TET3: variants seen among roughly 807,000 people sequenced by gnomAD.
TET3 encodes methylcytosine dioxygenase TET3.
In TET3, 19 loss-of-function variants were observed where a neutral mutation model predicts 141.4. That is an observed-to-expected ratio of 0.13 (90% CI 0.09 to 0.20). The LOEUF is 0.20. TET3 is among the 10% of genes least tolerant of loss of function. TET3 has a pLI of 1.00. For missense variants in TET3, 1,874 were observed against 2,356.9 expected (o/e 0.80, Z 4.24); for synonymous variants, 1,043 against 980.9 (o/e 1.06, Z -1.18).
chr2:74,124,124 G>C, the TET3 span, among the ~76,000 whole-genome samples: 1 of 151,688 alleles, frequency 6.6e-6, no homozygotes, highest in Non-Finnish European at 1.5e-5. Context: ...TCCAGGAGGT[G>C]GGGGGCAGCC....
the TET3 span, among the ~76,000 whole-genome samples, chr2:74,117,811 T>C: frequency 2.6e-5 from 4 of 152,106 alleles, no homozygotes; most frequent in South Asian, 8.3e-4. Flanking sequence ...AATGACACAA[T>C]CTTGGCTCAC....
At chr2:74,005,493 T>A (rs781258350) in intron 3 of TET3, among the ~76,000 whole-genome samples, 3 of 152,216 alleles carry the variant, frequency 2.0e-5, no homozygotes, top group Non-Finnish European at 2.9e-5. Flanking sequence ...GGCTGCAGTG[T>A]CCCACATACC....
rs1181534867 is a variant in TET3, at chr2:74,101,680, CGGA to C, written c.4899_4901del (p.Glu1637del). 1 of 1,613,446 alleles carries C rather than the reference CGGA, an allele frequency of 6.2e-7. No homozygotes were observed. The highest frequency in any genetic ancestry group is 8.5e-7 in the Non-Finnish European group (1 of 1,179,864). The stretch of plus-strand genomic sequence containing the variant: ...AAGGAGGAGAAGGGCGGTGGTGGTG[CGGA>C]GGAGGAAGAGGAGGAGCTGTGGTCG... On this transcript the variant is annotated inframe_deletion, in exon 12 of 12. Coordinates refer to ENST00000409262, the MANE Select transcript of TET3 (RefSeq NM_001287491.2). The surrounding 1 kb of genome is among the most constrained non-coding windows in gnomAD (Gnocchi z 8.5).
At chr2:73,996,965 G>A (rs1684626034) in intron 2 of TET3, among the ~76,000 whole-genome samples, 2 of 152,364 alleles carry the variant, frequency 1.3e-5, no homozygotes, top group South Asian at 4.1e-4. Flanking sequence ...GGGCACTGTT[G>A]ATGGCTGTTC....
At chr2:73,997,941 C>G (rs1291046658) in intron 2 of TET3, among the ~76,000 whole-genome samples, 2 of 152,102 alleles carry the variant, frequency 1.3e-5, no homozygotes, top group Non-Finnish European at 2.9e-5. Context: ...CCCATAGAGG[C>G]CAGCCAGGAA....
intron 4 of TET3, among the ~76,000 whole-genome samples, chr2:74,051,069 G>T (rs1488349394): frequency 6.6e-6 from 1 of 152,186 alleles, no homozygotes; most frequent in African/African-American, 2.4e-5. Context: ...AAACTGTGGT[G>T]AACACAGATG....
chr2:74,091,427 G>A (rs1690491871), intron 8 of TET3, among the ~76,000 whole-genome samples: 1 of 152,222 alleles, frequency 6.6e-6, no homozygotes, highest in Non-Finnish European at 1.5e-5. Flanking sequence ...TCTAGGCACT[G>A]TTACCCCTCA....
chr2:74,037,529 G>A (rs1045657525), intron 3 of TET3, among the ~76,000 whole-genome samples: 1 of 152,236 alleles, frequency 6.6e-6, no homozygotes, highest in Non-Finnish European at 1.5e-5. Context: ...GAGTTTACTG[G>A]CTTAGCAGGG....
At chr2:74,084,085 A>G (rs910925069) in intron 6 of TET3, among the ~76,000 whole-genome samples, 18 of 152,350 alleles carry the variant, frequency 1.2e-4, no homozygotes, top group African/African-American at 4.3e-4. Flanking sequence ...CAAAATACAC[A>G]TATCAAAAGA....
chr2:74,028,066 C>T (rs1046873230), intron 3 of TET3, among the ~76,000 whole-genome samples: 1 of 151,838 alleles, frequency 6.6e-6, no homozygotes, highest in Non-Finnish European at 1.5e-5. Flanking sequence ...CTCACTGCAC[C>T]TGGAACCCCT....
chr2:74,119,895 A>T, the TET3 span, among the ~76,000 whole-genome samples: 1 of 152,212 alleles, frequency 6.6e-6, no homozygotes, highest in Non-Finnish European at 1.5e-5. Context: ...ATTCTTTTTA[A>T]TTGAATGTTT....
the TET3 span, among the ~76,000 whole-genome samples, chr2:74,120,234 G>A: frequency 6.7e-6 from 1 of 150,336 alleles, no homozygotes; most frequent in Admixed American, 6.6e-5. Flanking sequence ...ACCCCGGAGC[G>A]CTCCATTCTC....
chr2:74,062,855 A>G (rs377594470), intron 4 of TET3, among the ~76,000 whole-genome samples: 1 of 152,022 alleles, frequency 6.6e-6, no homozygotes, highest in East Asian at 1.9e-4. Context: ...TGAAGGATCT[A>G]AATACTTGGT....
rs1408858373 is a variant in TET3 at position 74,102,453 on chromosome 2, C to A, written c.*277C>A. On this transcript the variant is annotated 3_prime_UTR_variant, in exon 12 of 12. Transcript: ENST00000409262. ...ATATTTATATCTCCAAGTTGTCCCC[C>A]CCCCTTGTCTGGGGGGTTTTTATTT... is the stretch of plus-strand genomic sequence containing the variant. 9.9e-6 allele frequency: 3 copies of A among 301,728 alleles called. No individual in the cohort carries two copies. The highest frequency in any genetic ancestry group is 1.8e-5 in the Non-Finnish European group (3 of 168,846). 18.7% of individuals were successfully genotyped at this position (301,728 alleles called of 1,614,324 possible).
the TET3 span, among the ~76,000 whole-genome samples, chr2:74,131,688 C>T: frequency 2.0e-5 from 3 of 152,118 alleles, no homozygotes; most frequent in Non-Finnish European, 2.9e-5. Context: ...ACTGGAAAAC[C>T]GCACACTGTT....
In TET3 at chr2:74,048,386, C is replaced by T. The variant is rs756769001; in HGVS notation, c.2469C>T (p.Ala823=). The T allele has an allele frequency of 1.2e-5, 19 of 1,610,560 alleles. No homozygotes were observed. The highest frequency in any genetic ancestry group is 2.2e-5 in the South Asian group (2 of 90,972). Residue 823 remains alanine (A), a synonymous_variant, in exon 4 of 12, where the codon GCC becomes GCT. Coordinates refer to ENST00000409262, the MANE Select transcript of TET3 (RefSeq NM_001287491.2). The part of the protein sequence containing the change: ...LLDTPAKRAQ[A]EFPTCDCVEQ... The stretch of plus-strand genomic sequence containing the variant: ...ACACACCTGCCAAGAGAGCCCAGGC[C>T]GAGTTCCCCACCTGCGATTGCGTCG...
At chr2:74,086,667 G>T (rs1690175222) in intron 6 of TET3, among the ~76,000 whole-genome samples, 2 of 151,718 alleles carry the variant, frequency 1.3e-5, no homozygotes. Flanking sequence ...GCGTGTGTCT[G>T]TAGTCCCGGG....
chr2:74,090,157 G>A (rs1407865638), intron 8 of TET3, 110 bp downstream of exon 8: 2 of 1,489,608 alleles, frequency 1.3e-6, no homozygotes, highest in East Asian at 2.3e-5. Context: ...CACAGGAAGT[G>A]GAACTTGTTT....
At chr2:74,013,455 G>T (rs1332611880) in intron 3 of TET3, among the ~76,000 whole-genome samples, 7 of 152,052 alleles carry the variant, frequency 4.6e-5, no homozygotes, top group Non-Finnish European at 7.4e-5. Flanking sequence ...GACTGTGAAG[G>T]CTTTTCTTCT....
Sources: allele counts gnomAD v4.1 joint callset (sites outside exome capture counted in the v4.1 genomes callset), GRCh38; gene constraint gnomAD v4.1.1; non-coding constraint Gnocchi (gnomAD v3.1); transcripts MANE v1.5; gene names NCBI Gene and HGNC (gene_info 2026-07-23, HGNC 2026-07-21).